LRRC75B: variants seen among roughly 807,000 people sequenced by gnomAD.
The protein encoded by LRRC75B is leucine rich repeat containing 75B, also known as leucine-rich repeat-containing protein 75B.
A neutral mutation model predicts 16.5 loss-of-function variants in LRRC75B; 20 were observed. That is an observed-to-expected ratio of 1.21 (90% CI 0.85 to 1.76). LRRC75B has a LOEUF of 1.76. Among genes scored for constraint, LRRC75B ranks in the 40% most tolerant of loss-of-function variants. LRRC75B has a pLI of 0.00. For synonymous variants in LRRC75B, 199 were observed against 198.1 expected, an observed-to-expected ratio of 1.00 and a Z score of -0.04; for missense variants, 406 against 417.0, an observed-to-expected ratio of 0.97 and a Z score of 0.23.
chr22:24,591,082 G>A (rs1267037036), intron 1 of LRRC75B, among the ~76,000 whole-genome samples: 1 of 152,152 alleles, frequency 6.6e-6, no homozygotes, highest in Non-Finnish European at 1.5e-5. Context: ...CTCTTTCAGA[G>A]GGTCTCTTTG....
intron 2 of LRRC75B, chr22:24,589,236 C>A: frequency 7.9e-7 from 1 of 1,262,408 alleles, no homozygotes; most frequent in Non-Finnish European, 1.0e-6. Context: ...AGGACATCTG[C>A]AGGTGCTGTC....
chr22:24,590,462 G>A (rs544624940), intron 1 of LRRC75B, among the ~76,000 whole-genome samples: 6 of 152,274 alleles, frequency 3.9e-5, no homozygotes, highest in African/African-American at 1.4e-4. Flanking sequence ...GGAGCCCTCA[G>A]GGAAGTGGTA....
In LRRC75B at chr22:24,588,090, G is replaced by A. The variant is rs559752714; in HGVS notation, c.422+124C>T. 1.7e-4 allele frequency: 125 copies of A among 739,052 alleles called. 2 individuals carry two copies. Among genetic ancestry groups the A allele is most frequent in the East Asian group, 6.2e-4 (23 of 37,354 alleles). The allele number at this position is 739,052 out of a possible 1,614,324, so 45.8% of individuals were successfully genotyped here. ...GACTTCCAGGGTAGGGCCCTCATGCGGACCAGGTGAGGGCCTCACCAGGTG... is the reference window on the plus strand; with the variant it reads ...GACTTCCAGGGTAGGGCCCTCATGCAGACCAGGTGAGGGCCTCACCAGGTG... On this transcript the variant is annotated intron_variant, in intron 3 of 3. Transcript: ENST00000318753.
In LRRC75B at chr22:24,588,300, C is replaced by G; in HGVS notation, c.336G>C (p.Lys112Asn). The G allele has an allele frequency of 6.2e-7, 1 of 1,613,466 alleles. No individual in the cohort carries two copies. Among genetic ancestry groups the G allele is most frequent in the Non-Finnish European group, 8.5e-7 (1 of 1,179,876 alleles). The change falls in exon 3 of 4, where the codon AAG (lysine) becomes AAC (asparagine). Residue 112 changes from lysine (K) to asparagine (N), a missense_variant. Physicochemically the swap from Lys to Asn is moderately conservative, Grantham distance 94 (BLOSUM62 0). Transcript: ENST00000318753. ...KDYELWKSSD[K>N]ICRQLIYHLT... ...GGTGGTAGATGAGCTGTCGGCAGATCTTGTCCGAGGACTTCCAGAGCTCAT... is the reference window on the plus strand; with the variant it reads ...GGTGGTAGATGAGCTGTCGGCAGATGTTGTCCGAGGACTTCCAGAGCTCAT...
Position 24,585,732 on chromosome 22 carries a change from C to G in LRRC75B, c.*154G>C. The G allele has an allele frequency of 1.1e-6, 1 of 912,012 alleles. No individual in the cohort carries two copies. 56.5% of individuals were successfully genotyped at this position (912,012 alleles called of 1,614,324 possible). ...CTCTAGCCAGGGCTGGCCACCTGGC[C>G]ACCTATGAGTCCATTCTTCTGTCCC... is the stretch of plus-strand genomic sequence containing the variant. On this transcript the variant is annotated 3_prime_UTR_variant, in exon 4 of 4. Coordinates refer to ENST00000318753, the MANE Select transcript of LRRC75B (RefSeq NM_207644.3).
intron 2 of LRRC75B, chr22:24,588,970 C>G (rs2045485181): frequency 4.9e-6 from 5 of 1,010,144 alleles, no homozygotes; most frequent in Non-Finnish European, 5.9e-6. Context: ...TCCACTGCAT[C>G]CTTTATCCAG....
intron 1 of LRRC75B, among the ~76,000 whole-genome samples, chr22:24,590,783 C>A (rs1413278990): frequency 6.6e-6 from 1 of 152,162 alleles, no homozygotes; most frequent in Non-Finnish European, 1.5e-5. Context: ...TGAAGCCAGC[C>A]TCACCACCCA....
intron 1 of LRRC75B, 74 bp downstream of exon 1, chr22:24,592,789 C>T (rs1569039610): frequency 1.6e-6 from 2 of 1,266,138 alleles, no homozygotes; most frequent in Non-Finnish European, 2.0e-6. Context: ...CCCATAGCCC[C>T]GCGCCTCCCA....
rs557543009 is a variant in LRRC75B at position 24,588,808 on chromosome 22, C to T, written c.307-479G>A. 47 of 1,012,692 alleles carry T rather than the reference C, an allele frequency of 4.6e-5. No homozygotes were observed. In the South Asian group the frequency reaches 1.3e-3, roughly 29 times the overall value. The allele number at this position is 1,012,692 out of a possible 1,614,324, so 62.7% of individuals were successfully genotyped here. The stretch of plus-strand genomic sequence containing the variant: ...CACTCTCCAAGCGAGACTGCGCCTG[C>T]GGGGTCTGGGTCTGGGCTGACAGGG... On this transcript the variant is annotated intron_variant, in intron 2 of 3. Transcript: ENST00000318753.
intron 3 of LRRC75B, 58 bp from the exon 4 acceptor site, chr22:24,586,469 CACAG>C: frequency 6.5e-7 from 1 of 1,532,240 alleles, no homozygotes; most frequent in Non-Finnish European, 8.9e-7. Context: ...CCCCACTGAC[CACAG>C]ACAGTGACCT....
Position 24,589,865 on chromosome 22 carries a change from C to T in LRRC75B, c.262G>A (p.Asp88Asn). 1 of 1,613,938 alleles carries T rather than the reference C, an allele frequency of 6.2e-7. No homozygotes were observed. Among genetic ancestry groups the T allele is most frequent in the Middle Eastern group, 1.7e-4 (1 of 6,060 alleles). ...FLNPVDPISH[D>N]LLVNLARDLQ... ...TCCCGGGCCAGGTTCACAAGCAGGT[C>T]ATGGGAGATGGGGTCGACCGGGTTG... The change falls in exon 2 of 4, where the codon GAC becomes AAC. Residue 88 changes from aspartate to asparagine, a missense_variant. Asp to Asn is a conservative substitution (Grantham distance 23). Coordinates refer to ENST00000318753, the MANE Select transcript of LRRC75B (RefSeq NM_207644.3).
chr22:24,586,723 G>A (rs1027677967), intron 3 of LRRC75B, among the ~76,000 whole-genome samples: 1 of 152,326 alleles, frequency 6.6e-6, no homozygotes, highest in East Asian at 1.9e-4. Context: ...TAGAGGCGGG[G>A]TTTCTCCATC....
At chr22:24,586,528 A>C in intron 3 of LRRC75B, 117 bp from the exon 4 acceptor site, 1 of 1,099,832 alleles carries the variant, frequency 9.1e-7, no homozygotes, top group Non-Finnish European at 1.3e-6. Context: ...CCAGATTCAA[A>C]CTGTGTCTTT....
Position 24,586,092 on chromosome 22 carries a change from T to C in LRRC75B, c.742A>G (p.Asn248Asp). The C allele has an allele frequency of 1.9e-6, 3 of 1,612,722 alleles. No homozygotes were observed. Among genetic ancestry groups the C allele is most frequent in the Non-Finnish European group, 2.5e-6 (3 of 1,179,964 alleles). ...GGCAGGGAAGCCACATCCACGTTGT[T>C]GCCCAGGTCCACCCAAGCCAAAGCA... Reference protein sequence around the residue: ...FPALAWVDLGNNVDVASLPQP... With the variant: ...FPALAWVDLGDNVDVASLPQP... The change falls in exon 4 of 4, where the codon AAC becomes GAC. Residue 248 changes from asparagine (N) to aspartate (D), a missense_variant. Transcript: ENST00000318753.
In LRRC75B at chr22:24,592,182, G is replaced by A. The variant is rs73402993; in HGVS notation, c.177+681C>T. 6.2e-3 allele frequency: 2,542 copies of A among 408,172 alleles called. 63 individuals carry two copies. The highest frequency in any genetic ancestry group is 0.048 in the African/African-American group (2,345 of 49,102). 25.3% of individuals were successfully genotyped at this position (408,172 alleles called of 1,614,324 possible). ...GTGATTGGGGGGACCAGCATCCTGGGACAACCCAGGGGTTGGGATCTGGGT... is the reference window on the plus strand; with the variant it reads ...GTGATTGGGGGGACCAGCATCCTGGAACAACCCAGGGGTTGGGATCTGGGT... On this transcript the variant is annotated intron_variant, in intron 1 of 3. Transcript: ENST00000318753.
intron 3 of LRRC75B, 53 bp from the exon 4 acceptor site, chr22:24,586,464 C>A (rs1440445012): frequency 1.9e-6 from 3 of 1,557,270 alleles, no homozygotes; most frequent in African/African-American, 2.7e-5. Context: ...AGTCCCCCCA[C>A]TGACCACAGA....
In LRRC75B at chr22:24,589,956, G is replaced by A. The variant is rs373467667; in HGVS notation, c.178-7C>T. The A allele has an allele frequency of 4.1e-5, 65 of 1,581,328 alleles. No individual in the cohort carries two copies. Among genetic ancestry groups the A allele is most frequent in the Non-Finnish European group, 5.1e-5 (59 of 1,164,502 alleles). On this transcript the variant is annotated splice_polypyrimidine_tract_variant and splice_region_variant and intron_variant, in intron 1 of 3. Coordinates refer to ENST00000318753, the MANE Select transcript of LRRC75B (RefSeq NM_207644.3). ...TCCTCTCAAGGCCCAGGTCCTGTGAGTGGTGAAGAGAGAGTTGAGTGAGCC... is the reference window on the plus strand; with the variant it reads ...TCCTCTCAAGGCCCAGGTCCTGTGAATGGTGAAGAGAGAGTTGAGTGAGCC...
At chr22:24,589,430 T>C (rs2045500097) in intron 2 of LRRC75B, 1 of 967,550 alleles carries the variant, frequency 1.0e-6, no homozygotes, top group South Asian at 2.7e-5. Context: ...AGAGCGGCTC[T>C]CTTCTGGCCC....
At chr22:24,592,767 A>G in intron 1 of LRRC75B, 96 bp downstream of exon 1, 7 of 1,284,618 alleles carry the variant, frequency 5.4e-6, no homozygotes, top group Non-Finnish European at 6.9e-6. Flanking sequence ...CCCGGCGGAT[A>G]CAGGCCCACA....
Sources: allele counts gnomAD v4.1 joint callset (sites outside exome capture counted in the v4.1 genomes callset), GRCh38; gene constraint gnomAD v4.1.1; transcripts MANE v1.5; gene names NCBI Gene and HGNC (gene_info 2026-07-23, HGNC 2026-07-21).